Variants in TMPRSS4 observed in about 807,000 individuals in gnomAD.
TMPRSS4 encodes transmembrane serine protease 4, also known as transmembrane protease serine 4.
TMPRSS4 carries 45 observed loss-of-function variants against 56.4 expected under a neutral mutation model. That is an observed-to-expected ratio of 0.80 (90% confidence interval 0.63 to 1.02). The LOEUF is 1.02. TMPRSS4 is among the 50% of genes least tolerant of loss of function. The probability of loss-of-function intolerance (pLI) is 0.00; values close to 1 mark genes in which losing one functional copy is unlikely to be tolerated. For synonymous variants in TMPRSS4, 205 were observed against 211.0 expected, an observed-to-expected ratio of 0.97 and a Z score of 0.25; for missense variants, 546 against 556.7, an observed-to-expected ratio of 0.98 and a Z score of 0.19.
chr11:118,104,408 A>ACCACAGGATCATCT (rs1458368545), intron 4 of TMPRSS4, among the ~76,000 whole-genome samples: 11 of 151,982 alleles, frequency 7.2e-5, no homozygotes, highest in Non-Finnish European at 1.6e-4. Context: ...ATCAAAACTG[A>ACCACAGGATCATCT]TACCTGTAAG....
intron 1 of TMPRSS4, among the ~76,000 whole-genome samples, chr11:118,083,070 C>T (rs897749845): frequency 3.3e-5 from 5 of 152,152 alleles, no homozygotes; most frequent in Admixed American, 6.5e-5. Context: ...TGCGCCGCTG[C>T]GGGGCTCGGT....
chr11:118,109,003 C>T (rs764558863), intron 7 of TMPRSS4, 107 bp downstream of exon 7: 106 of 1,306,126 alleles, frequency 8.1e-5, no homozygotes, highest in Non-Finnish European at 1.0e-4. Flanking sequence ...TTTCATTCTG[C>T]CTTGGTCTAC....
intron 1 of TMPRSS4, among the ~76,000 whole-genome samples, chr11:118,078,200 C>G (rs911289573): frequency 1.3e-5 from 2 of 151,982 alleles, no homozygotes; most frequent in Admixed American, 1.3e-4. Flanking sequence ...GAGAATCAAC[C>G]CTATCTTTCA....
Position 118,119,292 on chromosome 11 carries a change from T to C in TMPRSS4, c.*1379T>C. 1.0e-6 allele frequency: 1 copy of C among 985,406 alleles called. No individual in the cohort carries two copies. Among genetic ancestry groups the C allele is most frequent in the Non-Finnish European group, 1.2e-6 (1 of 829,920 alleles). The allele number at this position is 985,406 out of a possible 1,614,324, so 61.0% of individuals were successfully genotyped here. A position where few individuals can be genotyped will look rare whatever the true frequency, so the allele number is the denominator to read the frequency against. ...CTGGACACACTGAAGACAAGGGAGC[T>C]GAACCAGGGCTCCTACATGAAGCAG... On this transcript the variant is annotated 3_prime_UTR_variant, in exon 13 of 13. Transcript: ENST00000437212.
chr11:118,082,478 T>C (rs552738159), intron 1 of TMPRSS4, among the ~76,000 whole-genome samples: 1 of 152,074 alleles, frequency 6.6e-6, no homozygotes, highest in African/African-American at 2.4e-5. Flanking sequence ...TGAGAATCGC[T>C]TGAACCCAGG....
At chr11:118,086,663 G>C (rs549463412) in intron 1 of TMPRSS4, 1 of 153,074 alleles carries the variant, frequency 6.5e-6, no homozygotes, top group Admixed American at 6.5e-5. Flanking sequence ...ACTCTGGGCT[G>C]CTGCATCACC....
chr11:118,089,489 C>A (rs941879452), intron 1 of TMPRSS4, among the ~76,000 whole-genome samples: 2 of 151,988 alleles, frequency 1.3e-5, no homozygotes, highest in African/African-American at 4.8e-5. Flanking sequence ...CCATGCAGGG[C>A]CCATTTGTAA....
intron 12 of TMPRSS4, 156 bp from the exon 13 acceptor site, chr11:118,117,746 G>C (rs748090837): frequency 1.3e-5 from 13 of 985,332 alleles, no homozygotes; most frequent in Admixed American, 1.2e-4. Flanking sequence ...TTCTGATAAG[G>C]AAGAGAGTGG....
At position 118,118,111 on chromosome 11, in the gene TMPRSS4, C is replaced by A. The variant is rs1275419101; in HGVS notation, c.*198C>A. The A allele has an allele frequency of 2.8e-6, 4 of 1,436,620 alleles. No individual in the cohort carries two copies. Among genetic ancestry groups the A allele is most frequent in the Non-Finnish European group, 2.7e-6 (3 of 1,100,972 alleles). The allele number at this position is 1,436,620 out of a possible 1,614,324, so 89.0% of individuals were successfully genotyped here. A position where few individuals can be genotyped will look rare whatever the true frequency, so the allele number is the denominator to read the frequency against. ...CCCAGAGGCGCCCAGAGGAAGTCAG[C>A]AGCCCTAGCTCGGCCACACTTGGTG... is the stretch of plus-strand genomic sequence containing the variant. On this transcript the variant is annotated 3_prime_UTR_variant, in exon 13 of 13. Coordinates refer to ENST00000437212, the MANE Select transcript of TMPRSS4 (RefSeq NM_019894.4).
intron 1 of TMPRSS4, among the ~76,000 whole-genome samples, chr11:118,090,707 G>A (rs373661141): frequency 1.2e-4 from 18 of 151,908 alleles, no homozygotes; most frequent in Non-Finnish European, 1.8e-4. Context: ...GAGCGCAGGA[G>A]GTGGAGGCTG....
intron 1 of TMPRSS4, among the ~76,000 whole-genome samples, chr11:118,093,556 G>A (rs751284701): frequency 2.6e-5 from 4 of 152,210 alleles, no homozygotes; most frequent in East Asian, 1.9e-4. Flanking sequence ...GGCTGTGTGC[G>A]TGCTGAGTGC....
intron 5 of TMPRSS4, chr11:118,106,698 G>T (rs1405761707): frequency 6.6e-6 from 1 of 152,158 alleles, no homozygotes; most frequent in Non-Finnish European, 1.5e-5. Flanking sequence ...TGGCCAGGCT[G>T]GTCTTGAACT....
chr11:118,098,417 G>C (rs1946531293), intron 2 of TMPRSS4, among the ~76,000 whole-genome samples: 1 of 152,238 alleles, frequency 6.6e-6, no homozygotes, highest in African/African-American at 2.4e-5. Flanking sequence ...GCTGGCATCT[G>C]TGTCTGCCTC....
intron 1 of TMPRSS4, among the ~76,000 whole-genome samples, chr11:118,086,523 G>A (rs886605715): frequency 2.0e-5 from 3 of 152,266 alleles, no homozygotes; most frequent in East Asian, 1.9e-4. Context: ...GAATTTCTGC[G>A]TGAGAGCTTA....
At chr11:118,078,564 G>A (rs1944874011) in intron 1 of TMPRSS4, among the ~76,000 whole-genome samples, 1 of 152,142 alleles carries the variant, frequency 6.6e-6, no homozygotes, top group South Asian at 2.1e-4. Context: ...CCCATCCAAG[G>A]AGGCGCCCCA....
intron 8 of TMPRSS4, 132 bp downstream of exon 8, chr11:118,112,032 C>T: frequency 1.6e-6 from 2 of 1,274,568 alleles, no homozygotes; most frequent in Non-Finnish European, 2.1e-6. Context: ...TTGTGGTGGC[C>T]CCAATGAGAC....
chr11:118,105,987 T>A (rs1163096140), intron 5 of TMPRSS4: 3 of 152,194 alleles, frequency 2.0e-5, no homozygotes, highest in Non-Finnish European at 4.4e-5. Context: ...TCCATTACCC[T>A]CTAGAAAGCA....
chr11:118,122,837 G>GT (rs1281002848), downstream of TMPRSS4, among the ~76,000 whole-genome samples: 1 of 152,186 alleles, frequency 6.6e-6, no homozygotes, highest in Non-Finnish European at 1.5e-5. Flanking sequence ...GGTGATGGTA[G>GT]TAAGAGGTGG....
intron 1 of TMPRSS4, among the ~76,000 whole-genome samples, chr11:118,093,723 A>G (rs981311353): frequency 6.6e-6 from 1 of 152,204 alleles, no homozygotes; most frequent in South Asian, 2.1e-4. Flanking sequence ...GAATTTTTGC[A>G]CATATAAACA....
Sources: allele counts gnomAD v4.1 joint callset (sites outside exome capture counted in the v4.1 genomes callset), GRCh38; gene constraint gnomAD v4.1.1; transcripts MANE v1.5; gene names NCBI Gene and HGNC (gene_info 2026-07-23, HGNC 2026-07-21).